NFIA: variants seen among roughly 807,000 people sequenced by gnomAD.
NFIA encodes the protein nuclear factor I A.
NFIA carries 8 observed loss-of-function variants against 62.8 expected under a neutral mutation model. The observed-to-expected ratio is 0.13, with a 90% CI of 0.07 to 0.23. NFIA has a LOEUF of 0.23. NFIA is among the 10% of genes least tolerant of loss of function. NFIA has a pLI of 1.00. For missense variants in NFIA, 410 were observed against 642.1 expected, an observed-to-expected ratio of 0.64 and a Z score of 3.91; for synonymous variants, 235 against 238.1, an observed-to-expected ratio of 0.99 and a Z score of 0.12.
intron 2 of NFIA, among the ~76,000 whole-genome samples, chr1:61,177,549 A>G (rs927824087): frequency 1.2e-4 from 18 of 152,344 alleles, no homozygotes; most frequent in African/African-American, 4.1e-4. Flanking sequence ...TAATCAAAGC[A>G]TGGAGAAATT....
chr1:61,373,987 A>G (rs1011202956), intron 6 of NFIA, among the ~76,000 whole-genome samples: 4 of 152,222 alleles, frequency 2.6e-5, no homozygotes, highest in African/African-American at 4.8e-5. Flanking sequence ...ACCATGAGCC[A>G]CATATGGCTA....
In NFIA at chr1:61,085,917, C is replaced by T. The variant is rs182174231; in HGVS notation, c.28-2232C>T. On this transcript the variant is annotated intron_variant, in intron 1 of 10. Coordinates refer to ENST00000403491, the MANE Select transcript of NFIA (RefSeq NM_001134673.4). ...CAGGTAAACAGAATCCTGTTGGACACGAATGCATGCATGCAGTTTGCAGTT... is the reference window on the plus strand; with the variant it reads ...CAGGTAAACAGAATCCTGTTGGACATGAATGCATGCATGCAGTTTGCAGTT... Among the ~76,000 whole-genome samples, 43 of 152,128 alleles carry T rather than the reference C, an allele frequency of 2.8e-4. No individual in the cohort carries two copies. In the East Asian group the frequency reaches 7.4e-3, roughly 26 times the overall value.
At chr1:61,436,238 A>G (rs908678485) in intron 10 of NFIA, among the ~76,000 whole-genome samples, 2 of 152,072 alleles carry the variant, frequency 1.3e-5, no homozygotes, top group South Asian at 2.1e-4. Flanking sequence ...TATGACTTGG[A>G]ACCAGATGCT....
chr1:61,255,064 G>A (rs946619867), intron 2 of NFIA, among the ~76,000 whole-genome samples: 1 of 152,190 alleles, frequency 6.6e-6, no homozygotes, highest in African/African-American at 2.4e-5. Context: ...TATTTCATTA[G>A]ATCCCAGGGG....
At chr1:61,328,610 A>G (rs1404543963) in intron 3 of NFIA, among the ~76,000 whole-genome samples, 1 of 151,776 alleles carries the variant, frequency 6.6e-6, no homozygotes, top group Non-Finnish European at 1.5e-5. Context: ...TAGTAGAGAC[A>G]GGATTTCTCT....
intron 2 of NFIA, among the ~76,000 whole-genome samples, chr1:61,142,587 A>G (rs925106154): frequency 6.6e-6 from 1 of 152,194 alleles, no homozygotes; most frequent in Non-Finnish European, 1.5e-5. Flanking sequence ...AGTCTTTTAC[A>G]TTATGAATGA....
chr1:61,329,920 G>A (rs1476928855), intron 3 of NFIA, among the ~76,000 whole-genome samples: 1 of 152,178 alleles, frequency 6.6e-6, no homozygotes, highest in Non-Finnish European at 1.5e-5. Context: ...GGTGAAGAGG[G>A]AAGGTCCTGA....
At chr1:61,367,606 T>G (rs140372291) in intron 6 of NFIA, among the ~76,000 whole-genome samples, 534 of 152,148 alleles carry the variant, frequency 3.5e-3, no homozygotes, top group Middle Eastern at 0.02. Flanking sequence ...ATCAGAGAAA[T>G]TTCACCCAAA....
intron 3 of NFIA, among the ~76,000 whole-genome samples, chr1:61,304,975 T>C (rs1659687794): frequency 6.6e-6 from 1 of 152,200 alleles, no homozygotes; most frequent in Admixed American, 6.5e-5. Context: ...GCTGCAACTA[T>C]CATGATCACA....
Position 61,406,549 on chromosome 1 carries a change from C to CCCG in NFIA, c.1255-11_1255-10insGCC. The CCCG allele has an allele frequency of 2.9e-6, 3 of 1,028,106 alleles. No individual in the cohort carries two copies. Among genetic ancestry groups the CCCG allele is most frequent in the Non-Finnish European group, 2.7e-6 (2 of 750,898 alleles). 63.7% of individuals were successfully genotyped at this position (1,028,106 alleles called of 1,614,324 possible). ...TCTTGTACGTGTGTTTTCTGCCCCC[C>CCCG]CCCCCCCCACAGCCCAATGGGAGCA... On this transcript the variant is annotated splice_polypyrimidine_tract_variant and intron_variant, in intron 8 of 10. Transcript: ENST00000403491.
intron 2 of NFIA, among the ~76,000 whole-genome samples, chr1:61,126,351 C>A (rs1279934307): frequency 2.0e-5 from 3 of 151,926 alleles, no homozygotes; most frequent in Non-Finnish European, 2.9e-5. Context: ...TGATGCAATT[C>A]TCTTTCCTTA....
rs183477368 is a variant in NFIA, at chr1:61,339,273, A to G, written c.700+6687A>G. Among the ~76,000 whole-genome samples the G allele has an allele frequency of 3.3e-3, 506 of 152,334 alleles. 6 individuals are homozygous for G. The highest frequency in any genetic ancestry group is 3.0e-3 in the Non-Finnish European group (201 of 68,032). On this transcript the variant is annotated intron_variant, in intron 4 of 10. Transcript: ENST00000403491. ...AGTCAATGGCACCTCTTCTAGAGTG[A>G]AGGTAGAGTGTGGAGCAGACAAAAG...
chr1:61,319,790 A>AACACACACACACACACACACACACAC lies in NFIA; in HGVS notation c.626-12701_626-12676dup, dbSNP rs58845526. ...CAATGATTTCTTCCTGGAAGAATTA[A>AACACACACACACACACACACACACAC]ACACACACACACACACACACACACA... On this transcript the variant is annotated intron_variant, in intron 3 of 10. Transcript: ENST00000403491. 4.5e-4 allele frequency among the ~76,000 whole-genome samples: 63 copies of AACACACACACACACACACACACACAC among 139,612 alleles called. 1 individual carries two copies. Among genetic ancestry groups the AACACACACACACACACACACACACAC allele is most frequent in the African/African-American group, 1.6e-3 (57 of 35,580 alleles). 91.6% of individuals were successfully genotyped at this position (139,612 alleles called of 152,430 possible).
chr1:61,275,295 G>A (rs1263576805), intron 2 of NFIA, among the ~76,000 whole-genome samples: 5 of 151,886 alleles, frequency 3.3e-5, no homozygotes, highest in Admixed American at 2.6e-4. Flanking sequence ...TTTTATTGTT[G>A]TTCATGTTTT....
Position 61,096,547 on chromosome 1 carries a change from C to CTTTTTT in NFIA, c.559+7885_559+7890dup, listed in dbSNP as rs369305204. On this transcript the variant is annotated intron_variant, in intron 2 of 10. Transcript: ENST00000403491. Reference sequence around the variant, plus strand: ...TCTTTAAACTTAGTCAAGATTAGTTCTTTTTTTTTTTTTTTTTTTTTTTGA... The same window carrying CTTTTTT: ...TCTTTAAACTTAGTCAAGATTAGTTCTTTTTTTTTTTTTTTTTTTTTTTTTTTTTGA... 3.5e-4 allele frequency among the ~76,000 whole-genome samples: 28 copies of CTTTTTT among 80,588 alleles called. 4 individuals are homozygous for CTTTTTT. The highest frequency in any genetic ancestry group is 2.5e-3 in the East Asian group (5 of 1,982). 52.9% of individuals were successfully genotyped at this position (80,588 alleles called of 152,430 possible).
intron 2 of NFIA, among the ~76,000 whole-genome samples, chr1:61,272,475 T>C (rs1396430598): frequency 6.6e-6 from 1 of 152,238 alleles, no homozygotes; most frequent in Non-Finnish European, 1.5e-5. Flanking sequence ...AATAAACTTA[T>C]GGTACTGGCT....
intron 4 of NFIA, among the ~76,000 whole-genome samples, chr1:61,334,594 T>TC: frequency 1.1e-5 from 1 of 89,878 alleles, no homozygotes; most frequent in African/African-American, 4.1e-5. Flanking sequence ...TATATATATA[T>TC]ATATATATAT....
At chr1:61,384,228 C>T (rs1301289090) in intron 7 of NFIA, among the ~76,000 whole-genome samples, 4 of 152,110 alleles carry the variant, frequency 2.6e-5, no homozygotes, top group Non-Finnish European at 5.9e-5. Context: ...AAATTATGAT[C>T]TCTTGTCTGC....
At chr1:61,257,020 G>A (rs191786545) in intron 2 of NFIA, among the ~76,000 whole-genome samples, 5 of 152,210 alleles carry the variant, frequency 3.3e-5, no homozygotes, top group African/African-American at 9.6e-5. Context: ...TGGGTTTTTT[G>A]TTTTGTTTTG....
Sources: allele counts gnomAD v4.1 joint callset (sites outside exome capture counted in the v4.1 genomes callset), GRCh38; gene constraint gnomAD v4.1.1; transcripts MANE v1.5; gene names NCBI Gene and HGNC (gene_info 2026-07-23, HGNC 2026-07-21).